The following STX16 variants were observed in gnomAD, a reference collection of about 807,000 sequenced individuals.
The protein encoded by STX16 is syntaxin-16.
Under a neutral mutation model 42.7 loss-of-function variants are expected in STX16, and 28 were observed. The ratio of observed to expected loss-of-function variants is 0.66; its 90% CI spans 0.49 to 0.90. The LOEUF (loss-of-function observed/expected upper bound fraction) is 0.90, where lower values mean the gene tolerates loss of function less well. STX16 is among the 40% of genes least tolerant of loss of function. The pLI is 0.00. For synonymous variants in STX16, 156 were observed against 155.2 expected (o/e 1.00, Z -0.04); for missense variants, 361 against 420.9 (o/e 0.86, Z 1.24).
Position 58,667,598 on chromosome 20 carries a change from G to GTAA in STX16, c.252+2_252+4dup, listed in dbSNP as rs771237228. The GTAA allele has an allele frequency of 6.2e-7, 1 of 1,611,340 alleles. No homozygotes were observed. The highest frequency in any genetic ancestry group is 1.3e-5 in the African/African-American group (1 of 74,876). ...TAAGTGGGTGGATGGAGTGGATGAA[G>GTAA]TAAGTTCCATGTTAGTTTCATAGCA... On this transcript the variant is annotated splice_donor_variant, in intron 3 of 8. Coordinates refer to ENST00000371141, the MANE Select transcript of STX16 (RefSeq NM_001001433.3). LOFTEE classifies it high-confidence loss of function.
chr20:58,669,267 T>G (rs768260703), intron 4 of STX16, 24 bp from the exon 5 acceptor site: 6 of 1,606,580 alleles, frequency 3.7e-6, no homozygotes, highest in Non-Finnish European at 4.2e-6. Flanking sequence ...AGGCTTGCCC[T>G]GAGCCTCGGG....
At chr20:58,664,076 A>G (rs2083762272) in intron 2 of STX16, among the ~76,000 whole-genome samples, 1 of 152,254 alleles carries the variant, frequency 6.6e-6, no homozygotes, top group South Asian at 2.1e-4. Flanking sequence ...TAAGATCTGT[A>G]TGAAATAGGA....
chr20:58,651,696 G>A lies in STX16; in HGVS notation c.-311G>A. ...GCGAGTTAGACGCTTGTAGATCCAA[G>A]GTTGGATTGGGGTGGGGTCTCTGGG... is the stretch of plus-strand genomic sequence containing the variant. On this transcript the variant is annotated 5_prime_UTR_variant, in exon 1 of 9. Coordinates refer to ENST00000371141, the MANE Select transcript of STX16 (RefSeq NM_001001433.3). 3.3e-6 allele frequency: 1 copy of A among 298,686 alleles called. No individual in the cohort carries two copies. The highest frequency in any genetic ancestry group is 6.5e-6 in the Non-Finnish European group (1 of 154,674). The allele number at this position is 298,686 out of a possible 1,614,324, so 18.5% of individuals were successfully genotyped here. A position where few individuals can be genotyped will look rare whatever the true frequency, so the allele number is the denominator to read the frequency against.
rs532992306 is a variant in STX16 at position 58,667,432 on chromosome 20, T to A, written c.145-58T>A. Reference sequence around the variant, plus strand: ...AGTAACATTTAAGAGAGAGTAAGAGTATTTGTATCTAAATTGGATTAGAAT... The same window carrying A: ...AGTAACATTTAAGAGAGAGTAAGAGAATTTGTATCTAAATTGGATTAGAAT... On this transcript the variant is annotated intron_variant, in intron 2 of 8. Coordinates refer to ENST00000371141, the MANE Select transcript of STX16 (RefSeq NM_001001433.3). 3 of 1,320,086 alleles carry A rather than the reference T, an allele frequency of 2.3e-6. No individual in the cohort carries two copies. The South Asian group carries it at 3.6e-5, about 16-fold the overall frequency. The allele number at this position is 1,320,086 out of a possible 1,614,324, so 81.8% of individuals were successfully genotyped here. A position where few individuals can be genotyped will look rare whatever the true frequency, so the allele number is the denominator to read the frequency against.
intron 2 of STX16, among the ~76,000 whole-genome samples, chr20:58,659,979 A>G (rs2083663630): frequency 6.6e-6 from 1 of 152,224 alleles, no homozygotes; most frequent in Admixed American, 6.5e-5. Context: ...TGAGTCGTGC[A>G]CTTCCTCAGG....
intron 4 of STX16, 32 bp from the exon 5 acceptor site, chr20:58,669,259 G>A (rs772012800): frequency 6.2e-7 from 1 of 1,605,062 alleles, no homozygotes. Flanking sequence ...TCTCTCCCAG[G>A]CTTGCCCTGA....
At position 58,678,639 on chromosome 20, in the gene STX16, C is replaced by CAAAAAAAAA. The variant is rs10695175; in HGVS notation, c.*2358_*2366dup. ...TGGGTGACAGAGCGAGGCTCCGTCTCAAAAAAAAAAAAAAAAAATTGTTTT... is the reference window on the plus strand; with the variant it reads ...TGGGTGACAGAGCGAGGCTCCGTCTCAAAAAAAAAAAAAAAAAAAAAAAAAAATTGTTTT... On this transcript the variant is annotated 3_prime_UTR_variant, in exon 9 of 9. Coordinates refer to ENST00000371141, the MANE Select transcript of STX16 (RefSeq NM_001001433.3). 1 of 124,506 alleles carries CAAAAAAAAA rather than the reference C, an allele frequency of 8.0e-6. No individual in the cohort carries two copies. The highest frequency in any genetic ancestry group is 2.4e-4 in the East Asian group (1 of 4,098). The allele number at this position is 124,506 out of a possible 1,614,324, so 7.7% of individuals were successfully genotyped here.
rs2084128961 is a variant in STX16, at chr20:58,676,432, ACTC to A, written c.*147_*149del. The A allele has an allele frequency of 7.1e-6, 5 of 699,884 alleles. No homozygotes were observed. Among genetic ancestry groups the A allele is most frequent in the East Asian group, 2.6e-5 (1 of 38,152 alleles). The allele number at this position is 699,884 out of a possible 1,614,324, so 43.4% of individuals were successfully genotyped here. ...GGGCAGCGAACCTTTGCATCCACGGACTCCTCCTTCCCTAGTCCTGCTCAAGCG... is the reference window on the plus strand; with the variant it reads ...GGGCAGCGAACCTTTGCATCCACGGACTCCTTCCCTAGTCCTGCTCAAGCG... On this transcript the variant is annotated 3_prime_UTR_variant, in exon 9 of 9. Coordinates refer to ENST00000371141, the MANE Select transcript of STX16 (RefSeq NM_001001433.3).
chr20:58,659,650 T>C lies in STX16; in HGVS notation c.144+16T>C, dbSNP rs202148717. The stretch of plus-strand genomic sequence containing the variant: ...GCTGGACGAGGTATTGTGTTTTGAA[T>C]ATTTTTATATGTTGGGTAATTTGAG... On this transcript the variant is annotated intron_variant, in intron 2 of 8. Transcript: ENST00000371141. 1.5e-3 allele frequency: 2,358 copies of C among 1,612,534 alleles called. 2 individuals are homozygous for C. The highest frequency in any genetic ancestry group is 1.9e-3 in the Non-Finnish European group (2,215 of 1,179,554).
chr20:58,671,386 T>G, intron 7 of STX16, 89 bp downstream of exon 7: 1 of 1,410,882 alleles, frequency 7.1e-7, no homozygotes, highest in Non-Finnish European at 9.5e-7. Flanking sequence ...GGAAAAAAAT[T>G]GGAGCCAATT....
At chr20:58,662,729 T>C (rs218477) in intron 2 of STX16, among the ~76,000 whole-genome samples, 51,656 of 151,996 alleles carry the variant, frequency 0.34, 9,541 homozygotes, top group East Asian at 0.51. Flanking sequence ...AGTTTTGACA[T>C]GTTGCTCAGG....
intron 2 of STX16, among the ~76,000 whole-genome samples, chr20:58,663,636 A>G (rs1026907367): frequency 2.7e-5 from 4 of 150,728 alleles, no homozygotes; most frequent in African/African-American, 7.3e-5. Context: ...TTTAAAAAAT[A>G]TGGATTTTTT....
Position 58,677,851 on chromosome 20 carries a change from T to C in STX16, c.*1560T>C, listed in dbSNP as rs1453228777. ...GCCCAGCCTTCCCTTTCCAAGTTGGTGCCACCTCCAGGTAGCCATTGGTGG... is the reference window on the plus strand; with the variant it reads ...GCCCAGCCTTCCCTTTCCAAGTTGGCGCCACCTCCAGGTAGCCATTGGTGG... On this transcript the variant is annotated 3_prime_UTR_variant, in exon 9 of 9. Transcript: ENST00000371141. 1 of 152,256 alleles carries C rather than the reference T, an allele frequency of 6.6e-6. No individual in the cohort carries two copies. The highest frequency in any genetic ancestry group is 1.5e-5 in the Non-Finnish European group (1 of 68,070). The allele number at this position is 152,256 out of a possible 1,614,324, so 9.4% of individuals were successfully genotyped here.
At chr20:58,656,029 TAAAG>T (rs2083578061) in intron 1 of STX16, among the ~76,000 whole-genome samples, 1 of 152,148 alleles carries the variant, frequency 6.6e-6, no homozygotes, top group African/African-American at 2.4e-5. Flanking sequence ...CAGCATGAAA[TAAAG>T]GAAAGAGCAC....
intron 2 of STX16, among the ~76,000 whole-genome samples, chr20:58,665,250 G>A (rs2083794374): frequency 6.6e-6 from 1 of 152,230 alleles, no homozygotes; most frequent in Non-Finnish European, 1.5e-5. Flanking sequence ...CAGTAAGAGA[G>A]GATGATCTTT....
Position 58,651,976 on chromosome 20 carries a change from C to T in STX16, c.-31C>T. On this transcript the variant is annotated 5_prime_UTR_variant, in exon 1 of 9. Coordinates refer to ENST00000371141, the MANE Select transcript of STX16 (RefSeq NM_001001433.3). ...ATCAGGAATATAAGTGGGCGGGGGG[C>T]CCCTGAGAGGGGGGTCGCAAAGGGT... 1.9e-6 allele frequency: 3 copies of T among 1,610,102 alleles called. No individual in the cohort carries two copies. The highest frequency in any genetic ancestry group is 2.2e-5 in the South Asian group (2 of 90,980).
intron 1 of STX16, chr20:58,652,386 C>T (rs1364389634): frequency 5.0e-6 from 3 of 597,636 alleles, no homozygotes; most frequent in Non-Finnish European, 9.2e-6. Flanking sequence ...CCCCCCCGCA[C>T]CCCCCGCCTT....
intron 1 of STX16, among the ~76,000 whole-genome samples, chr20:58,656,541 A>T (rs2083590819): frequency 6.6e-6 from 1 of 152,210 alleles, no homozygotes; most frequent in Non-Finnish European, 1.5e-5. Context: ...TTCTGTATGG[A>T]TTTGTGTGGT....
rs756153564 is a variant in STX16, at chr20:58,669,313, C to T, written c.416C>T (p.Ala139Val). The change falls in exon 5 of 9, where the codon GCC (alanine) becomes GTC (valine). Residue 139 changes from alanine (A) to valine (V), a missense_variant. Ala to Val is a moderately conservative substitution (Grantham distance 64). Transcript: ENST00000371141. ...ITQLFHRCQR[A>V]VQALPSRARA... ...TAGCTCTTCCACAGGTGCCAGCGTGCCGTGCAGGCCCTGCCGAGCCGGGCC... is the reference window on the plus strand; with the variant it reads ...TAGCTCTTCCACAGGTGCCAGCGTGTCGTGCAGGCCCTGCCGAGCCGGGCC... 6.2e-7 allele frequency: 1 copy of T among 1,611,538 alleles called. No homozygotes were observed. The highest frequency in any genetic ancestry group is 1.1e-5 in the South Asian group (1 of 91,006).
Sources: gnomAD v4.1 joint callset for allele counts (sites outside exome capture counted in the v4.1 genomes callset) on GRCh38, gnomAD v4.1.1 for gene constraint, MANE v1.5 for transcripts, NCBI Gene and HGNC (gene_info 2026-07-23, HGNC 2026-07-21) for gene names.